The following KHDRBS2 variants were observed in gnomAD, a reference collection of about 807,000 sequenced individuals.
KHDRBS2 encodes KH domain-containing, RNA-binding, signal transduction-associated protein 2.
A neutral mutation model predicts 44.3 loss-of-function variants in KHDRBS2; 26 were observed. The ratio of observed to expected loss-of-function variants is 0.59; its 90% CI spans 0.43 to 0.81. The LOEUF is 0.81. Among genes scored for constraint, KHDRBS2 ranks in the 40% least tolerant of loss-of-function variants. KHDRBS2 has a pLI of 0.00. For missense variants in KHDRBS2, 476 were observed against 433.1 expected, an observed-to-expected ratio of 1.10 and a Z score of -0.88; for synonymous variants, 194 against 151.1, an observed-to-expected ratio of 1.28 and a Z score of -2.08.
intron 2 of KHDRBS2, among the ~76,000 whole-genome samples, chr6:62,176,055 GGTT>G (rs1376140106): frequency 6.6e-6 from 1 of 151,246 alleles, no homozygotes; most frequent in Non-Finnish European, 1.5e-5. Context: ...GACTGTAACT[GGTT>G]AATTGATCAA....
intron 2 of KHDRBS2, among the ~76,000 whole-genome samples, chr6:62,125,312 C>T (rs1808703717): frequency 6.6e-6 from 1 of 152,156 alleles, no homozygotes; most frequent in Non-Finnish European, 1.5e-5. Flanking sequence ...TAGACCTACC[C>T]AGAGGGGAAA....
chr6:62,010,897 T>G (rs1780173466), intron 3 of KHDRBS2, among the ~76,000 whole-genome samples: 1 of 152,172 alleles, frequency 6.6e-6, no homozygotes, highest in Non-Finnish European at 1.5e-5. Context: ...AAGAAAAACC[T>G]ATCAGCAAAT....
chr6:62,216,197 AC>A (rs936538371), intron 1 of KHDRBS2, among the ~76,000 whole-genome samples: 3 of 151,686 alleles, frequency 2.0e-5, no homozygotes, highest in Non-Finnish European at 4.4e-5. Flanking sequence ...TTCCCAATAA[AC>A]CCAAGAAAAC....
chr6:61,568,511 C>T, the KHDRBS2 span, among the ~76,000 whole-genome samples: 2 of 152,078 alleles, frequency 1.3e-5, no homozygotes, highest in African/African-American at 2.4e-5. Context: ...TAGGAACATA[C>T]CAAGAAAACA....
chr6:61,587,481 AT>A, the KHDRBS2 span, among the ~76,000 whole-genome samples: 5 of 152,058 alleles, frequency 3.3e-5, no homozygotes, highest in South Asian at 8.3e-4. Context: ...TTAGTATTGC[AT>A]TTTACCCTTA....
At chr6:61,604,344 A>G in the KHDRBS2 span, among the ~76,000 whole-genome samples, 1 of 147,474 alleles carries the variant, frequency 6.8e-6, no homozygotes, top group East Asian at 2.0e-4. Flanking sequence ...TAGCTAAGAA[A>G]AGCAACTAGT....
At chr6:62,055,540 C>A (rs1352405406) in intron 2 of KHDRBS2, among the ~76,000 whole-genome samples, 3 of 151,964 alleles carry the variant, frequency 2.0e-5, no homozygotes, top group African/African-American at 7.2e-5. Context: ...AATCCATTTA[C>A]CTTATGCCTC....
chr6:61,644,805 TAAC>T, the KHDRBS2 span, among the ~76,000 whole-genome samples: 1 of 151,874 alleles, frequency 6.6e-6, no homozygotes, highest in East Asian at 1.9e-4. Flanking sequence ...AGTCAAAAAA[TAAC>T]AGGTGCTGGC....
chr6:61,586,190 C>T, the KHDRBS2 span, among the ~76,000 whole-genome samples: 1 of 152,096 alleles, frequency 6.6e-6, no homozygotes, highest in South Asian at 2.1e-4. Flanking sequence ...TTGTTACTTA[C>T]AATAAAAAAG....
intron 6 of KHDRBS2, among the ~76,000 whole-genome samples, chr6:61,789,778 G>T (rs956473146): frequency 1.3e-5 from 2 of 151,384 alleles, no homozygotes; most frequent in African/African-American, 4.8e-5. Flanking sequence ...TAACTTTAAT[G>T]GATGCATGGC....
At chr6:61,821,133 A>G (rs1011407901) in intron 6 of KHDRBS2, among the ~76,000 whole-genome samples, 12 of 151,986 alleles carry the variant, frequency 7.9e-5, no homozygotes, top group Admixed American at 2.6e-4. Flanking sequence ...TTCCTCATCA[A>G]TTAAACAACT....
intron 6 of KHDRBS2, among the ~76,000 whole-genome samples, chr6:61,805,334 T>C (rs541187867): frequency 1.9e-4 from 29 of 152,278 alleles, no homozygotes; most frequent in Middle Eastern, 3.4e-3. Flanking sequence ...AATTTCATTG[T>C]TCATATCACT....
chr6:61,986,627 T>C (rs1775105433), intron 3 of KHDRBS2, among the ~76,000 whole-genome samples: 1 of 152,188 alleles, frequency 6.6e-6, no homozygotes, highest in African/African-American at 2.4e-5. Context: ...TACCATAAAC[T>C]GAGTGGCTTA....
chr6:61,971,985 T>A (rs562424241), intron 4 of KHDRBS2, among the ~76,000 whole-genome samples: 3 of 152,176 alleles, frequency 2.0e-5, no homozygotes, highest in Admixed American at 2.0e-4. Context: ...CCAGAAATAT[T>A]TGTTGTGTTA....
At chr6:61,773,823 A>T (rs1781444930) in intron 6 of KHDRBS2, among the ~76,000 whole-genome samples, 1 of 150,198 alleles carries the variant, frequency 6.7e-6, no homozygotes, top group Admixed American at 6.6e-5. Flanking sequence ...TTTTTGTATA[A>T]GGTGTAAGGA....
chr6:62,052,005 C>A lies in KHDRBS2; in HGVS notation c.220-4011G>T, dbSNP rs573502765. 2.0e-5 allele frequency among the ~76,000 whole-genome samples: 3 copies of A among 151,834 alleles called. No homozygotes were observed. In the South Asian group the frequency reaches 6.2e-4, roughly 32 times the overall value. ...GATACCAAATTTTTACTTGAGTGAG[C>A]AGAAAAGGGTATTTTTTGTAGACTG... On this transcript the variant is annotated intron_variant, in intron 2 of 8. Coordinates refer to ENST00000281156, the MANE Select transcript of KHDRBS2 (RefSeq NM_152688.4).
intron 6 of KHDRBS2, among the ~76,000 whole-genome samples, chr6:61,887,641 G>A (rs2127324457): frequency 6.6e-6 from 1 of 152,274 alleles, no homozygotes; most frequent in African/African-American, 2.4e-5. Context: ...TTAATGCTGA[G>A]GCTCAGCAGG....
chr6:61,622,019 T>TG, the KHDRBS2 span, among the ~76,000 whole-genome samples: 1 of 152,200 alleles, frequency 6.6e-6, no homozygotes, highest in African/African-American at 2.4e-5. Flanking sequence ...TGGAAGTAGA[T>TG]GTTTTTCCCC....
intron 4 of KHDRBS2, among the ~76,000 whole-genome samples, chr6:61,928,166 A>G (rs888717348): frequency 2.6e-5 from 4 of 152,134 alleles, no homozygotes; most frequent in Admixed American, 1.3e-4. Context: ...CCTACAGAAA[A>G]CAATGTGATT....
Sources: allele counts gnomAD v4.1 joint callset (sites outside exome capture counted in the v4.1 genomes callset), GRCh38; gene constraint gnomAD v4.1.1; transcripts MANE v1.5; gene names NCBI Gene and HGNC (gene_info 2026-07-23, HGNC 2026-07-21).